The following GREB1L variants were observed in gnomAD, a reference collection of about 807,000 sequenced individuals.
The protein encoded by GREB1L is GREB1 like retinoic acid receptor coactivator, also known as GREB1-like protein.
Under a neutral mutation model 200.8 loss-of-function variants are expected in GREB1L, and 17 were observed. That is an observed-to-expected ratio of 0.08 (90% CI 0.06 to 0.13). The LOEUF (loss-of-function observed/expected upper bound fraction) is 0.13, where lower values mean the gene tolerates loss of function less well. Ranked by LOEUF, GREB1L falls within the 10% of genes least tolerant of loss-of-function variation. GREB1L has a pLI of 1.00. For missense variants in GREB1L, 1,657 were observed against 2,367.7 expected (o/e 0.70, Z 6.23); for synonymous variants, 789 against 893.0 (o/e 0.88, Z 2.08).
At chr18:21,460,599 CA>C (rs1255379793) in intron 15 of GREB1L, among the ~76,000 whole-genome samples, 3 of 152,002 alleles carry the variant, frequency 2.0e-5, no homozygotes, top group Admixed American at 6.6e-5. Flanking sequence ...CTCGGCCTCC[CA>C]AAGTGCTGGG....
intron 19 of GREB1L, 72 bp downstream of exon 19, chr18:21,490,423 G>A: frequency 7.6e-7 from 1 of 1,322,212 alleles, no homozygotes; most frequent in Non-Finnish European, 1.0e-6. Context: ...TACATAGGTG[G>A]CTCAGGGGCC....
chr18:21,488,550 C>G (rs1248654121), intron 18 of GREB1L, among the ~76,000 whole-genome samples: 3 of 152,174 alleles, frequency 2.0e-5, no homozygotes, highest in Non-Finnish European at 4.4e-5. Flanking sequence ...CAAATGGCAA[C>G]CAGAAAGAAA....
intron 1 of GREB1L, among the ~76,000 whole-genome samples, chr18:21,299,202 C>G (rs1339005024): frequency 6.6e-6 from 1 of 151,274 alleles, no homozygotes; most frequent in Non-Finnish European, 1.5e-5. Flanking sequence ...CACTTGAACC[C>G]TGGAGGCGGA....
At chr18:21,510,344 C>A (rs2037189922) in intron 27 of GREB1L, among the ~76,000 whole-genome samples, 1 of 152,002 alleles carries the variant, frequency 6.6e-6, no homozygotes, top group Admixed American at 6.6e-5. Flanking sequence ...AACTCTATAC[C>A]CATTAAACAA....
At chr18:21,461,361 A>T (rs556567894) in intron 15 of GREB1L, among the ~76,000 whole-genome samples, 13 of 151,956 alleles carry the variant, frequency 8.6e-5, no homozygotes, top group African/African-American at 2.9e-4. Flanking sequence ...CCACTCTCTC[A>T]AAGACAAAAC....
At chr18:21,274,566 A>G (rs1275982994) in intron 1 of GREB1L, among the ~76,000 whole-genome samples, 5 of 152,162 alleles carry the variant, frequency 3.3e-5, no homozygotes, top group East Asian at 3.9e-4. Context: ...ATGTGCCACC[A>G]TGCCCGGCAA....
intron 28 of GREB1L, 134 bp from the exon 29 acceptor site, chr18:21,515,283 T>C (rs1218857098): frequency 6.0e-6 from 4 of 670,072 alleles, no homozygotes; most frequent in African/African-American, 3.6e-5. Flanking sequence ...TTCTTCTCCA[T>C]TTGCTAATAC....
intron 2 of GREB1L, among the ~76,000 whole-genome samples, chr18:21,379,117 A>G (rs1476812058): frequency 2.0e-5 from 3 of 152,196 alleles, no homozygotes; most frequent in Non-Finnish European, 4.4e-5. Flanking sequence ...TCTAAGTTGA[A>G]GAGATTGAGA....
At chr18:21,254,932 CA>C (rs2037778446) in intron 1 of GREB1L, among the ~76,000 whole-genome samples, 1 of 152,158 alleles carries the variant, frequency 6.6e-6, no homozygotes, top group Non-Finnish European at 1.5e-5. Context: ...GGTCATGCGT[CA>C]GCCAGTCACT....
At chr18:21,302,565 T>G (rs1352952202) in intron 1 of GREB1L, among the ~76,000 whole-genome samples, 1 of 152,192 alleles carries the variant, frequency 6.6e-6, no homozygotes, top group Non-Finnish European at 1.5e-5. Flanking sequence ...AAGGACTTCC[T>G]TACTGTACTG....
chr18:21,336,772 C>T (rs766222078), intron 1 of GREB1L, among the ~76,000 whole-genome samples: 1 of 152,174 alleles, frequency 6.6e-6, no homozygotes, highest in South Asian at 2.1e-4. Context: ...CATGATTTCT[C>T]AGGCACACTG....
At chr18:21,267,134 A>C (rs1015831335) in intron 1 of GREB1L, among the ~76,000 whole-genome samples, 1 of 144,070 alleles carries the variant, frequency 6.9e-6, no homozygotes, top group Non-Finnish European at 1.5e-5. Flanking sequence ...GGGTTTCACT[A>C]TGTTGGCCAG....
At chr18:21,275,890 CG>C (rs1246698488) in intron 1 of GREB1L, among the ~76,000 whole-genome samples, 5 of 152,092 alleles carry the variant, frequency 3.3e-5, no homozygotes, top group Non-Finnish European at 7.3e-5. Flanking sequence ...AATGTGACGT[CG>C]TTGAATGTGA....
intron 4 of GREB1L, among the ~76,000 whole-genome samples, chr18:21,388,881 G>A (rs1351047285): frequency 6.6e-6 from 1 of 152,082 alleles, no homozygotes; most frequent in Non-Finnish European, 1.5e-5. Flanking sequence ...TTAGATTGAG[G>A]TTATGGGATC....
intron 4 of GREB1L, among the ~76,000 whole-genome samples, chr18:21,393,031 CA>C (rs1299815500): frequency 1.3e-5 from 2 of 152,162 alleles, no homozygotes; most frequent in Non-Finnish European, 1.5e-5. Context: ...TTTGGCCTCC[CA>C]AAGTGCTGGG....
chr18:21,499,571 G>A (rs1436492908), intron 21 of GREB1L, among the ~76,000 whole-genome samples, 158 bp from the exon 22 acceptor site: 2 of 152,222 alleles, frequency 1.3e-5, no homozygotes, highest in African/African-American at 4.8e-5. Flanking sequence ...AAGCAACACG[G>A]AGCAATGTGG....
At chr18:21,420,806 A>C (rs2032087144) in intron 7 of GREB1L, among the ~76,000 whole-genome samples, 1 of 152,226 alleles carries the variant, frequency 6.6e-6, no homozygotes, top group South Asian at 2.1e-4. Context: ...GGGGAAAGAA[A>C]ATAAAATCCA....
At chr18:21,310,509 T>C (rs1246988005) in intron 1 of GREB1L, among the ~76,000 whole-genome samples, 2 of 152,256 alleles carry the variant, frequency 1.3e-5, no homozygotes, top group Admixed American at 6.5e-5. Context: ...TCATATCTGC[T>C]TCTGCATTCA....
At chr18:21,513,204 T>G (rs1196105232) in intron 27 of GREB1L, among the ~76,000 whole-genome samples, 5 of 152,210 alleles carry the variant, frequency 3.3e-5, no homozygotes, top group Admixed American at 3.3e-4. Flanking sequence ...TCAGACAGTT[T>G]GGCTCCTGTC....
Sources: allele counts gnomAD v4.1 joint callset (sites outside exome capture counted in the v4.1 genomes callset), GRCh38; gene constraint gnomAD v4.1.1; transcripts MANE v1.5; gene names NCBI Gene and HGNC (gene_info 2026-07-23, HGNC 2026-07-21).